PLD2: variants seen among roughly 807,000 people sequenced by gnomAD.
PLD2 encodes the protein phospholipase D2, also known as choline phosphatase 2.
Under a neutral mutation model 119.8 loss-of-function variants are expected in PLD2, and 101 were observed. The observed-to-expected ratio is 0.84, with a 90% CI of 0.72 to 0.99. PLD2 has a LOEUF of 0.99. PLD2 is among the 50% of genes least tolerant of loss of function. PLD2 has a pLI of 0.00. For missense variants in PLD2, 1,164 were observed against 1,226.8 expected (o/e 0.95, Z 0.76); for synonymous variants, 494 against 482.8 (o/e 1.02, Z -0.30).
At chr17:4,822,027 G>A in intron 24 of PLD2, 120 bp downstream of exon 24, 1 of 651,978 alleles carries the variant, frequency 1.5e-6, no homozygotes, top group Non-Finnish European at 2.7e-6. Context: ...ATGAGGGCCT[G>A]GGGACATTTG....
intron 10 of PLD2, among the ~76,000 whole-genome samples, chr17:4,812,362 C>T (rs1386229979): frequency 2.0e-5 from 3 of 148,960 alleles, no homozygotes; most frequent in Non-Finnish European, 4.4e-5. Flanking sequence ...TGGCAGGATC[C>T]CACCTCACTG....
chr17:4,809,623 G>T, intron 7 of PLD2, 68 bp from the exon 8 acceptor site: 5 of 1,608,128 alleles, frequency 3.1e-6, no homozygotes, highest in Middle Eastern at 1.7e-4. Context: ...TGAGATTGGG[G>T]CAAGCAGTGC....
chr17:4,820,269 T>C (rs1907516650), intron 23 of PLD2, among the ~76,000 whole-genome samples: 1 of 147,266 alleles, frequency 6.8e-6, no homozygotes, highest in Non-Finnish European at 1.5e-5. Flanking sequence ...TTTTTGTTGT[T>C]GTTGTTGTTG....
rs1905938226 is a variant in PLD2 at position 4,807,222 on chromosome 17, C to G, written c.-5C>G. The G allele has an allele frequency of 1.3e-5, 2 of 151,892 alleles. No individual in the cohort carries two copies. The highest frequency in any genetic ancestry group is 4.8e-5 in the African/African-American group (2 of 41,468). 9.4% of individuals were successfully genotyped at this position (151,892 alleles called of 1,614,324 possible). ...CCCCGCGGGCGCTGGCTCCGTCTGCCAGGGTGAGGGGGCCGGGAAGGGGCG... is the reference window on the plus strand; with the variant it reads ...CCCCGCGGGCGCTGGCTCCGTCTGCGAGGGTGAGGGGGCCGGGAAGGGGCG... On this transcript the variant is annotated 5_prime_UTR_variant, in exon 1 of 25. Transcript: ENST00000263088. The surrounding 1 kb of genome is among the most constrained non-coding windows in gnomAD (Gnocchi z 5.4).
intron 23 of PLD2, 39 bp from the exon 24 acceptor site, chr17:4,821,754 A>T (rs1474889049): frequency 1.4e-6 from 2 of 1,418,134 alleles, no homozygotes; most frequent in Non-Finnish European, 2.0e-6. Context: ...TTCTCTAAGG[A>T]TCTTAATCTG....
chr17:4,813,516 G>A (rs1356697328), intron 10 of PLD2, among the ~76,000 whole-genome samples: 1 of 152,160 alleles, frequency 6.6e-6, no homozygotes, highest in Admixed American at 6.6e-5. Flanking sequence ...TCCTAGACAT[G>A]TAATTACCAT....
rs140970244 is a variant in PLD2, at chr17:4,819,145, C to G, written c.2235C>G (p.Gly745=). 2 of 1,614,090 alleles carry G rather than the reference C, an allele frequency of 1.2e-6. No homozygotes were observed. The highest frequency in any genetic ancestry group is 1.7e-6 in the Non-Finnish European group (2 of 1,179,998). The stretch of plus-strand genomic sequence containing the variant: ...GGCTTCGTACACACGGAGAGCTGGG[C>G]GGGCACCCCGTCTCGGAGCTCATCT... ...ICGLRTHGEL[G]GHPVSELIYI... Residue 745 remains glycine, a synonymous_variant, in exon 22 of 25, where the codon GGC becomes GGG. Coordinates refer to ENST00000263088, the MANE Select transcript of PLD2 (RefSeq NM_002663.5). The surrounding 1 kb of genome is among the most constrained non-coding windows in gnomAD (Gnocchi z 4.2).
At position 4,815,764 on chromosome 17, in the gene PLD2, G is replaced by T; in HGVS notation, c.1285G>T (p.Val429Leu). The T allele has an allele frequency of 6.2e-7, 1 of 1,613,904 alleles. No homozygotes were observed. The highest frequency in any genetic ancestry group is 1.1e-5 in the South Asian group (1 of 91,060). ...ALMLLHPNIK[V>L]MRHPDQVTLW... is the part of the protein sequence containing the mutation. ...CATGAACCCTCCATGCCTGCTCCAG[G>T]TGATGCGTCACCCAGACCAAGTGAC... The change falls in exon 14 of 25, where the codon GTG becomes TTG. Residue 429 changes from valine (V) to leucine (L), a missense_variant and splice_region_variant. Transcript: ENST00000263088.
rs377090785 is a variant in PLD2, at chr17:4,811,507, AC to A, written c.1010+558del. ...TGGCCAGGCTCTTCTCGAACTCCTG[AC>A]CTCGGGTGATCCGCCCGCCTCGGCC... On this transcript the variant is annotated intron_variant, in intron 10 of 24. Transcript: ENST00000263088. Among the ~76,000 whole-genome samples the A allele has an allele frequency of 4.1e-3, 621 of 151,510 alleles. 1 individual carries two copies. Among genetic ancestry groups the A allele is most frequent in the Middle Eastern group, 0.014 (4 of 286 alleles).
At chr17:4,814,363 C>T in intron 10 of PLD2, 55 bp from the exon 11 acceptor site, 1 of 1,565,006 alleles carries the variant, frequency 6.4e-7, no homozygotes, top group Admixed American at 1.9e-5. Flanking sequence ...TCTTCACTCT[C>T]CAGAGCTTTC....
Position 4,810,968 on chromosome 17 carries a change from C to T in PLD2, c.1010+17C>T, listed in dbSNP as rs1272656010. On this transcript the variant is annotated intron_variant, in intron 10 of 24. Transcript: ENST00000263088. ...GGCCCGGTGGTGAGACACTGACATCCCTTCTGAGCTTGTCTGTGGCTTTCT... is the reference window on the plus strand; with the variant it reads ...GGCCCGGTGGTGAGACACTGACATCTCTTCTGAGCTTGTCTGTGGCTTTCT... 1 of 1,597,508 alleles carries T rather than the reference C, an allele frequency of 6.3e-7. No individual in the cohort carries two copies. Among genetic ancestry groups the T allele is most frequent in the Non-Finnish European group, 8.5e-7 (1 of 1,173,984 alleles).
At chr17:4,818,708 C>A in intron 20 of PLD2, 66 bp from the exon 21 acceptor site, 1 of 1,589,284 alleles carries the variant, frequency 6.3e-7, no homozygotes, top group South Asian at 1.1e-5. Flanking sequence ...TAAAGAAGGG[C>A]CACCTCTCCT....
At position 4,814,663 on chromosome 17, in the gene PLD2, G is replaced by C; in HGVS notation, c.1125G>C (p.Pro375=). The change falls in exon 12 of 25, where the codon CCG becomes CCC. Residue 375 remains proline (P), a synonymous_variant. Transcript: ENST00000263088. ...WLSPEVYLKR[P]AHSDDWRLDI... is the part of the protein sequence containing the mutation. ...GTCCTGAGGTTTACCTGAAGCGTCC[G>C]GCCCATTCAGATGACTGGAGACTGG... The C allele has an allele frequency of 6.2e-7, 1 of 1,613,966 alleles. No individual in the cohort carries two copies. Among genetic ancestry groups the C allele is most frequent in the East Asian group, 2.2e-5 (1 of 44,888 alleles).
chr17:4,821,805 A>T lies in PLD2; in HGVS notation c.2475A>T (p.Gly825=). ...LRKHCFGVIL[G]ANTRPDLDLR... ...CTTTCTCCTATAGTGTGATTCTTGG[A>T]GCAAATACCCGGCCAGACTTGGATC... The change falls in exon 24 of 25, where the codon GGA becomes GGT. Residue 825 remains glycine, a synonymous_variant. Transcript: ENST00000263088. The T allele has an allele frequency of 6.2e-7, 1 of 1,613,258 alleles. No homozygotes were observed. Among genetic ancestry groups the T allele is most frequent in the Non-Finnish European group, 8.5e-7 (1 of 1,179,310 alleles).
chr17:4,815,681 T>C, intron 13 of PLD2, 83 bp from the exon 14 acceptor site: 6 of 1,596,680 alleles, frequency 3.8e-6, no homozygotes, highest in Non-Finnish European at 5.1e-6. Context: ...GTCTCATCTT[T>C]CCATCTTTCC....
chr17:4,817,850 T>TCC (rs1567532948), intron 17 of PLD2, 152 bp from the exon 18 acceptor site: 1 of 537,092 alleles, frequency 1.9e-6, no homozygotes, highest in Non-Finnish European at 3.3e-6. Context: ...CCCAGCTACT[T>TCC]AGGAGGCTGA....
At chr17:4,818,938 A>G (rs2150679116) in intron 21 of PLD2, 115 bp downstream of exon 21, 3 of 1,483,528 alleles carry the variant, frequency 2.0e-6, no homozygotes, top group East Asian at 4.5e-5. Flanking sequence ...CTCTGACGCT[A>G]CGCAGACCAT....
chr17:4,821,650 C>T, intron 23 of PLD2, 143 bp from the exon 24 acceptor site: 1 of 585,662 alleles, frequency 1.7e-6, no homozygotes, highest in Non-Finnish European at 3.1e-6. Flanking sequence ...CTGCCTCATC[C>T]TCCCAAAGTG....
rs75364523 is a variant in PLD2, at chr17:4,819,826, G to C, written c.2462+244G>C. Among the ~76,000 whole-genome samples the C allele has an allele frequency of 6.6e-6, 1 of 152,018 alleles. No homozygotes were observed. Among genetic ancestry groups the C allele is most frequent in the African/African-American group, 2.4e-5 (1 of 41,396 alleles). On this transcript the variant is annotated intron_variant, in intron 23 of 24. Transcript: ENST00000263088. This position sits in a 1 kb window ranked among gnomAD's most constrained non-coding sequence, Gnocchi z 4.2. ...CAGCCTGGCTAACATAGTGAAACCC[G>C]TCTCTACTAAAAATACAAAAAATCA...
Sources: gnomAD v4.1 joint callset for allele counts (sites outside exome capture counted in the v4.1 genomes callset) on GRCh38, gnomAD v4.1.1 for gene constraint, Gnocchi (gnomAD v3.1) non-coding constraint, MANE v1.5 for transcripts, NCBI Gene and HGNC (gene_info 2026-07-23, HGNC 2026-07-21) for gene names.